Variants in WDPCP observed in about 807,000 individuals in gnomAD.
WDPCP encodes the protein WD repeat containing planar cell polarity effector.
A neutral mutation model predicts 93.1 loss-of-function variants in WDPCP; 71 were observed. That is an observed-to-expected ratio of 0.76 (90% CI 0.63 to 0.93). WDPCP has a LOEUF of 0.93. Among genes scored for constraint, WDPCP ranks in the 40% least tolerant of loss-of-function variants. The pLI is 0.00. For missense variants in WDPCP, 844 were observed against 887.4 expected (o/e 0.95, Z 0.62); for synonymous variants, 315 against 315.0 (o/e 1.00, Z 0.00).
intron 12 of WDPCP, among the ~76,000 whole-genome samples, chr2:63,335,819 T>A (rs1351008002): frequency 6.6e-6 from 1 of 152,130 alleles, no homozygotes; most frequent in East Asian, 1.9e-4. Context: ...CAGGATGAGA[T>A]AGGAGATTAG....
intron 2 of WDPCP, among the ~76,000 whole-genome samples, chr2:63,803,642 A>G (rs982423806): frequency 6.6e-6 from 1 of 152,160 alleles, no homozygotes; most frequent in African/African-American, 2.4e-5. Context: ...TAAATATTAC[A>G]TTTATTCATT....
At chr2:63,176,408 G>T (rs1444169175) in intron 14 of WDPCP, among the ~76,000 whole-genome samples, 1 of 151,898 alleles carries the variant, frequency 6.6e-6, no homozygotes, top group African/African-American at 2.4e-5. Context: ...CACAATGCAT[G>T]ACTCATTTAA....
intron 6 of WDPCP, among the ~76,000 whole-genome samples, chr2:63,446,403 G>A (rs1355910797): frequency 2.6e-5 from 4 of 152,182 alleles, no homozygotes; most frequent in Admixed American, 6.5e-5. Context: ...ATCTGGCAAC[G>A]TCTAGAGACA....
At chr2:63,741,890 G>A (rs192922268) in intron 2 of WDPCP, among the ~76,000 whole-genome samples, 8 of 152,138 alleles carry the variant, frequency 5.3e-5, no homozygotes, top group Admixed American at 2.0e-4. Context: ...AATGGAAAAC[G>A]TTATTAAAAT....
intron 1 of WDPCP, chr2:63,571,463 C>T (rs753934714): frequency 1.1e-5 from 5 of 467,682 alleles, no homozygotes; most frequent in African/African-American, 2.0e-5. Flanking sequence ...GCATTTCTTG[C>T]AGTGAAGGTC....
At chr2:63,558,636 G>A (rs913649480) in intron 1 of WDPCP, among the ~76,000 whole-genome samples, 14 of 151,566 alleles carry the variant, frequency 9.2e-5, no homozygotes, top group South Asian at 2.1e-4. Context: ...TACAAACATC[G>A]GAGAATACTA....
intron 14 of WDPCP, among the ~76,000 whole-genome samples, chr2:63,207,485 C>T (rs1016857747): frequency 6.6e-6 from 1 of 152,104 alleles, no homozygotes; most frequent in East Asian, 1.9e-4. Context: ...AATAAATTAC[C>T]CAGTCTCTGG....
At chr2:63,601,840 G>A (rs1482875328) in intron 3 of WDPCP, among the ~76,000 whole-genome samples, 1 of 152,172 alleles carries the variant, frequency 6.6e-6, no homozygotes, top group African/African-American at 2.4e-5. Context: ...TATATATCTT[G>A]AGTTAATTGT....
At chr2:63,278,446 G>A (rs550777431) in intron 13 of WDPCP, among the ~76,000 whole-genome samples, 16 of 49,402 alleles carry the variant, frequency 3.2e-4, no homozygotes, top group African/African-American at 1.6e-3. Flanking sequence ...TTGAAACAAC[G>A]CAAAAAAAAT....
chr2:63,617,103 T>A (rs973464498), intron 3 of WDPCP, among the ~76,000 whole-genome samples: 1 of 152,220 alleles, frequency 6.6e-6, no homozygotes, highest in Admixed American at 6.5e-5. Context: ...AAATTTGTAA[T>A]AACTCTCAAG....
chr2:63,404,269 T>A lies in WDPCP; in HGVS notation c.1214A>T (p.Asp405Val), dbSNP rs1157041765. Residue 405 changes from aspartate to valine, a missense_variant, in exon 10 of 18, where the codon GAT becomes GTT. Coordinates refer to ENST00000272321, the MANE Select transcript of WDPCP (RefSeq NM_015910.7). ...GATGTTAATAGGGGATAGAGCCATATCAAAAATTTGCAACTCCCCTTGGTT... is the reference window on the plus strand; with the variant it reads ...GATGTTAATAGGGGATAGAGCCATAACAAAAATTTGCAACTCCCCTTGGTT... ...GSNQGELQIFDMALSPINIQL... is the reference protein window; with the variant it reads ...GSNQGELQIFVMALSPINIQL... 1 of 1,613,884 alleles carries A rather than the reference T, an allele frequency of 6.2e-7. No homozygotes were observed. The highest frequency in any genetic ancestry group is 8.5e-7 in the Non-Finnish European group (1 of 1,179,942).
At chr2:63,489,352 G>A (rs973776720) in intron 2 of WDPCP, among the ~76,000 whole-genome samples, 1 of 152,100 alleles carries the variant, frequency 6.6e-6, no homozygotes, top group African/African-American at 2.4e-5. Context: ...TTTCAATATA[G>A]AGAGATAGAT....
intron 9 of WDPCP, 38 bp downstream of exon 9, chr2:63,433,707 A>G (rs1696929777): frequency 6.6e-7 from 1 of 1,512,676 alleles, no homozygotes; most frequent in Non-Finnish European, 9.0e-7. Flanking sequence ...TATTTTATTT[A>G]CACTTTATTA....
intron 14 of WDPCP, among the ~76,000 whole-genome samples, chr2:63,221,948 T>G (rs949222771): frequency 1.7e-4 from 26 of 152,158 alleles, no homozygotes; most frequent in Admixed American, 1.2e-3. Flanking sequence ...TAAATATCTT[T>G]GAGGAGGGGT....
In WDPCP at chr2:63,404,103, A is replaced by T. The variant is rs1694362457; in HGVS notation, c.1380T>A (p.Asp460Glu). ...SQKGEGSDIY[D>E]LLFLRFERGP... is the part of the protein sequence containing the mutation. ...CTCTTTCAAACCTGAGGAAGAGGAG[A>T]TCATAGATATCACTACCTTCACCCT... The change falls in exon 10 of 18, where the codon GAT becomes GAA. Residue 460 changes from aspartate to glutamate, a missense_variant. Transcript: ENST00000272321. 6.2e-7 allele frequency: 1 copy of T among 1,613,982 alleles called. No homozygotes were observed. The highest frequency in any genetic ancestry group is 1.7e-5 in the Admixed American group (1 of 59,968).
chr2:63,818,235 T>C (rs1670968517), intron 1 of WDPCP, among the ~76,000 whole-genome samples: 1 of 152,250 alleles, frequency 6.6e-6, no homozygotes, highest in South Asian at 2.1e-4. Flanking sequence ...GTTGTATTCT[T>C]GCAGACATAA....
At chr2:63,204,467 G>A (rs538042847) in intron 14 of WDPCP, among the ~76,000 whole-genome samples, 8 of 147,508 alleles carry the variant, frequency 5.4e-5, no homozygotes, top group African/African-American at 1.5e-4. Context: ...TCAGCCTCCC[G>A]AGTAGCTGGG....
intron 2 of WDPCP, among the ~76,000 whole-genome samples, chr2:63,750,011 G>A (rs1246444207): frequency 1.3e-5 from 2 of 152,028 alleles, no homozygotes; most frequent in African/African-American, 4.8e-5. Context: ...TTTTTGAGAT[G>A]TATTCCTCTG....
intron 14 of WDPCP, among the ~76,000 whole-genome samples, chr2:63,193,838 A>T (rs1675220013): frequency 1.3e-5 from 2 of 152,180 alleles, no homozygotes; most frequent in Admixed American, 6.5e-5. Flanking sequence ...AGGTTTATTC[A>T]TAAGGAAAAA....
Sources: gnomAD v4.1 joint callset for allele counts (sites outside exome capture counted in the v4.1 genomes callset) on GRCh38, gnomAD v4.1.1 for gene constraint, MANE v1.5 for transcripts, NCBI Gene and HGNC (gene_info 2026-07-23, HGNC 2026-07-21) for gene names.